NFIB: variants seen among roughly 807,000 people sequenced by gnomAD.
The protein encoded by NFIB is nuclear factor I B.
In NFIB, 11 loss-of-function variants were observed where a neutral mutation model predicts 61.5. The ratio of observed to expected loss-of-function variants is 0.18; its 90% CI spans 0.11 to 0.30. NFIB has a LOEUF of 0.30. NFIB is among the 10% of genes least tolerant of loss of function. NFIB has a pLI of 1.00. For missense variants in NFIB, 471 were observed against 608.9 expected, an observed-to-expected ratio of 0.77 and a Z score of 2.38; for synonymous variants, 260 against 216.5, an observed-to-expected ratio of 1.20 and a Z score of -1.76.
chr9:14,185,276 C>G (rs1441225212), intron 2 of NFIB, among the ~76,000 whole-genome samples: 1 of 152,154 alleles, frequency 6.6e-6, no homozygotes, highest in Non-Finnish European at 1.5e-5. Flanking sequence ...GACCTGATTT[C>G]CCACCTTTCT....
At chr9:14,291,191 A>T (rs1316273222) in intron 2 of NFIB, among the ~76,000 whole-genome samples, 1 of 152,132 alleles carries the variant, frequency 6.6e-6, no homozygotes, top group African/African-American at 2.4e-5. Context: ...TCATTTTATA[A>T]AAGAATTCTT....
At chr9:14,360,302 GC>G (rs2061223522) in intron 1 of NFIB, among the ~76,000 whole-genome samples, 1 of 152,122 alleles carries the variant, frequency 6.6e-6, no homozygotes, top group South Asian at 2.1e-4. Context: ...ATTTGGTATA[GC>G]CCCCATATTG....
Position 14,087,185 on chromosome 9 carries a change from A to G in NFIB, c.*1124T>C, listed in dbSNP as rs2032987513. ...TTCTTGATGCAACCAGTAATTTTAA[A>G]TAAATAAATTCTACCTCCAAGGAGG... On this transcript the variant is annotated 3_prime_UTR_variant, in exon 11 of 11. Coordinates refer to ENST00000380953, the MANE Select transcript of NFIB (RefSeq NM_001190737.2). The G allele has an allele frequency of 1.0e-5, 2 of 200,882 alleles. No homozygotes were observed. Among genetic ancestry groups the G allele is most frequent in the African/African-American group, 4.6e-5 (2 of 43,508 alleles). 12.4% of individuals were successfully genotyped at this position (200,882 alleles called of 1,614,324 possible). A position where few individuals can be genotyped will look rare whatever the true frequency, so the allele number is the denominator to read the frequency against.
chr9:14,502,639 C>A, the NFIB span, among the ~76,000 whole-genome samples: 1 of 152,216 alleles, frequency 6.6e-6, no homozygotes, highest in Non-Finnish European at 1.5e-5. Flanking sequence ...AGGTCCTCCA[C>A]ATCTTCATAA....
At chr9:14,228,472 G>A (rs10961433) in intron 2 of NFIB, among the ~76,000 whole-genome samples, 15,403 of 151,892 alleles carry the variant, frequency 0.1, 988 homozygotes, top group South Asian at 0.15. Context: ...TCCCAGAACC[G>A]CATCCGGCCA....
chr9:14,505,763 G>C, the NFIB span, among the ~76,000 whole-genome samples: 7 of 152,140 alleles, frequency 4.6e-5, no homozygotes, highest in African/African-American at 1.7e-4. Flanking sequence ...CAGCTACCAG[G>C]GGCCCCCACC....
intron 1 of NFIB, among the ~76,000 whole-genome samples, chr9:14,372,784 A>G (rs1481312120): frequency 6.6e-6 from 1 of 152,222 alleles, no homozygotes; most frequent in Non-Finnish European, 1.5e-5. Context: ...TTCTAATGCT[A>G]TGCTATCAAG....
At chr9:14,142,283 G>A (rs564533566) in intron 6 of NFIB, among the ~76,000 whole-genome samples, 14 of 152,244 alleles carry the variant, frequency 9.2e-5, no homozygotes, top group African/African-American at 2.9e-4. Context: ...AGTCTCACAA[G>A]ATCTGAGGGT....
chr9:14,123,172 G>C (rs561935024), intron 7 of NFIB, among the ~76,000 whole-genome samples: 1 of 151,208 alleles, frequency 6.6e-6, no homozygotes. Flanking sequence ...CAGGAGAATT[G>C]CTTGAACCTG....
chr9:14,289,165 A>C (rs1180853073), intron 2 of NFIB, among the ~76,000 whole-genome samples: 1 of 146,698 alleles, frequency 6.8e-6, no homozygotes, highest in East Asian at 2.0e-4. Context: ...TGGTATGCCA[A>C]ATATATAATA....
At chr9:14,214,640 T>A (rs2050661334) in intron 2 of NFIB, among the ~76,000 whole-genome samples, 1 of 152,256 alleles carries the variant, frequency 6.6e-6, no homozygotes, top group African/African-American at 2.4e-5. Flanking sequence ...ACCAGGAAAC[T>A]TTTTAAACAC....
At chr9:14,423,812 T>C in the NFIB span, among the ~76,000 whole-genome samples, 2 of 152,242 alleles carry the variant, frequency 1.3e-5, no homozygotes, top group Admixed American at 6.5e-5. Flanking sequence ...TTTGCATTCT[T>C]TCTGATTGTG....
At chr9:14,363,046 T>C (rs1353357638) in intron 1 of NFIB, among the ~76,000 whole-genome samples, 1 of 152,220 alleles carries the variant, frequency 6.6e-6, no homozygotes, top group Non-Finnish European at 1.5e-5. Context: ...TAATTTTACA[T>C]TCATTTTATT....
the NFIB span, among the ~76,000 whole-genome samples, chr9:14,502,023 G>A: frequency 4.6e-5 from 7 of 152,182 alleles, no homozygotes; most frequent in Non-Finnish European, 8.8e-5. Flanking sequence ...TGGAAGTTTT[G>A]ATATTAGATA....
At chr9:14,442,886 G>A in the NFIB span, among the ~76,000 whole-genome samples, 1 of 152,074 alleles carries the variant, frequency 6.6e-6, no homozygotes, top group East Asian at 1.9e-4. Context: ...ACTAGAACAT[G>A]TTTTTCTATC....
At chr9:14,137,558 C>G (rs574130684) in intron 6 of NFIB, among the ~76,000 whole-genome samples, 1 of 152,086 alleles carries the variant, frequency 6.6e-6, no homozygotes, top group African/African-American at 2.4e-5. Flanking sequence ...TAGTATACAA[C>G]TTTGTTATTT....
intron 1 of NFIB, among the ~76,000 whole-genome samples, chr9:14,378,680 C>G (rs559935380): frequency 6.5e-4 from 99 of 152,268 alleles, no homozygotes; most frequent in African/African-American, 2.2e-3. Flanking sequence ...TTACACAGCA[C>G]AAAATGTTAT....
the NFIB span, among the ~76,000 whole-genome samples, chr9:14,438,985 G>A: frequency 1.3e-5 from 2 of 152,198 alleles, no homozygotes; most frequent in African/African-American, 4.8e-5. Context: ...GAGGTTTTAA[G>A]AAAGAAAAGT....
intron 2 of NFIB, among the ~76,000 whole-genome samples, chr9:14,180,259 T>C (rs538391428): frequency 6.6e-6 from 1 of 152,184 alleles, no homozygotes; most frequent in Non-Finnish European, 1.5e-5. Flanking sequence ...CAAGTACACA[T>C]ACCCACTCCA....
Sources: gnomAD v4.1 joint callset for allele counts (sites outside exome capture counted in the v4.1 genomes callset) on GRCh38, gnomAD v4.1.1 for gene constraint, MANE v1.5 for transcripts, NCBI Gene and HGNC (gene_info 2026-07-23, HGNC 2026-07-21) for gene names.